Variants in TFEC observed in about 807,000 individuals in gnomAD.
TFEC encodes the protein class E basic helix-loop-helix protein 34.
TFEC carries 31 observed loss-of-function variants against 41.6 expected under a neutral mutation model. The observed-to-expected ratio is 0.74, with a 90% CI of 0.56 to 1.01. The LOEUF is 1.01. Among genes scored for constraint, TFEC ranks in the 50% least tolerant of loss-of-function variants. The probability of loss-of-function intolerance (pLI) is 0.00; values close to 1 mark genes in which losing one functional copy is unlikely to be tolerated. For synonymous variants in TFEC, 143 were observed against 140.6 expected (o/e 1.02, Z -0.12); for missense variants, 402 against 404.1 (o/e 0.99, Z 0.04).
intron 3 of TFEC, among the ~76,000 whole-genome samples, chr7:116,057,321 C>G (rs77637494): frequency 0.028 from 4,194 of 152,030 alleles, 192 homozygotes; most frequent in African/African-American, 0.094. Flanking sequence ...AAATTAACTC[C>G]AAGCCCTAAA....
intron 1 of TFEC, among the ~76,000 whole-genome samples, chr7:116,154,514 T>C (rs1012354391): frequency 6.6e-6 from 1 of 152,132 alleles, no homozygotes; most frequent in African/African-American, 2.4e-5. Flanking sequence ...CTTCTATGGG[T>C]TAGATGCTAT....
chr7:116,005,400 T>G (rs1300361538), intron 1 of TFEC, among the ~76,000 whole-genome samples: 2 of 152,086 alleles, frequency 1.3e-5, no homozygotes, highest in Non-Finnish European at 2.9e-5. Flanking sequence ...CAGAGGGAGA[T>G]GAGGAACTTG....
chr7:116,063,761 A>G (rs1469372738), intron 3 of TFEC, among the ~76,000 whole-genome samples: 1 of 152,210 alleles, frequency 6.6e-6, no homozygotes, highest in African/African-American at 2.4e-5. Context: ...CCATGTTTTT[A>G]CAATAACAGG....
intron 3 of TFEC, among the ~76,000 whole-genome samples, chr7:116,107,954 C>A (rs1797758761): frequency 6.6e-6 from 1 of 152,054 alleles, no homozygotes; most frequent in South Asian, 2.1e-4. Flanking sequence ...CAATTGCTTA[C>A]CAAGTGCTAA....
At chr7:116,008,673 A>T (rs1794892498) in intron 1 of TFEC, among the ~76,000 whole-genome samples, 1 of 152,180 alleles carries the variant, frequency 6.6e-6, no homozygotes, top group South Asian at 2.1e-4. Flanking sequence ...CATTTCTTCA[A>T]ATCTTTCTTT....
At position 116,119,136 on chromosome 7, in the gene TFEC, A is replaced by G. The variant is rs561497725; in HGVS notation, c.-68-7098T>C. On this transcript the variant is annotated intron_variant, in intron 1 of 8. Coordinates refer to the TFEC transcript ENST00000484212. The stretch of plus-strand genomic sequence containing the variant: ...CACTTTGCTAAGCATTTTATTTTTT[A>G]TATCCTTCAATAAATTTATTAATGC... 2.0e-5 allele frequency among the ~76,000 whole-genome samples: 3 copies of G among 151,958 alleles called. No individual in the cohort carries two copies. The East Asian group carries it at 5.8e-4, about 29-fold the overall frequency.
At chr7:116,142,651 C>T (rs989462513) in intron 1 of TFEC, among the ~76,000 whole-genome samples, 5 of 151,926 alleles carry the variant, frequency 3.3e-5, no homozygotes, top group African/African-American at 4.8e-5. Context: ...TCTCATGTGC[C>T]CAGAGGGTCA....
intron 1 of TFEC, among the ~76,000 whole-genome samples, chr7:115,991,143 G>C (rs371249593): frequency 2.0e-5 from 3 of 152,086 alleles, no homozygotes; most frequent in Admixed American, 2.0e-4. Flanking sequence ...CTTCATAAAG[G>C]AGAAATAAAA....
At chr7:116,132,898 T>C (rs950047874) in intron 1 of TFEC, among the ~76,000 whole-genome samples, 1 of 152,234 alleles carries the variant, frequency 6.6e-6, no homozygotes, top group Non-Finnish European at 1.5e-5. Flanking sequence ...AATATGCATA[T>C]AAAATTTCAC....
rs192511452 is a variant in TFEC at position 116,047,394 on chromosome 7, C to T, written c.199-62881G>A. 3.7e-4 allele frequency among the ~76,000 whole-genome samples: 57 copies of T among 152,238 alleles called. No homozygotes were observed. The East Asian group carries it at 4.5e-3, about 12-fold the overall frequency. On this transcript the variant is annotated intron_variant, in intron 3 of 8. Coordinates refer to the TFEC transcript ENST00000484212. Reference sequence around the variant, plus strand: ...GGAGGGTCCCACACCCACAGAGACTCGCTCACTGCTAGCACAGCAGTCTGA... The same window carrying T: ...GGAGGGTCCCACACCCACAGAGACTTGCTCACTGCTAGCACAGCAGTCTGA...
intron 1 of TFEC, among the ~76,000 whole-genome samples, chr7:116,119,802 A>T (rs2116196788): frequency 6.6e-6 from 1 of 151,936 alleles, no homozygotes; most frequent in East Asian, 1.9e-4. Context: ...ATATACAATA[A>T]AATTTATCAT....
Position 116,066,508 on chromosome 7 carries a change from C to T in TFEC, c.198+44200G>A, listed in dbSNP as rs564663914. On this transcript the variant is annotated intron_variant, in intron 3 of 8. Transcript: ENST00000484212. ...TTATATATATATATATGAGATAAAT[C>T]TGAAAAGCAGTATATCTTCTTATTT... Among the ~76,000 whole-genome samples the T allele has an allele frequency of 4.0e-4, 61 of 151,814 alleles. No individual in the cohort carries two copies. The South Asian group carries it at 0.012, about 31-fold the overall frequency.
chr7:116,073,707 A>G (rs1304468588), intron 3 of TFEC, among the ~76,000 whole-genome samples: 1 of 152,020 alleles, frequency 6.6e-6, no homozygotes, highest in African/African-American at 2.4e-5. Flanking sequence ...CTAAAAACTG[A>G]GTTGGAAAAC....
At chr7:116,111,633 T>C (rs574468278) in intron 2 of TFEC, among the ~76,000 whole-genome samples, 1 of 152,126 alleles carries the variant, frequency 6.6e-6, no homozygotes, top group African/African-American at 2.4e-5. Context: ...TAAAAGGGAC[T>C]GAAAGTAAAA....
chr7:116,066,248 G>T lies in TFEC; in HGVS notation c.198+44460C>A, dbSNP rs549579764. On this transcript the variant is annotated intron_variant, in intron 3 of 8. Coordinates refer to the TFEC transcript ENST00000484212. ...CTGATTCCAGGCCCATGACAAAGCTGATCTACAAAGATCAAATATACTCAT... is the reference window on the plus strand; with the variant it reads ...CTGATTCCAGGCCCATGACAAAGCTTATCTACAAAGATCAAATATACTCAT... 4.0e-4 allele frequency among the ~76,000 whole-genome samples: 61 copies of T among 152,196 alleles called. No homozygotes were observed. The South Asian group carries it at 0.012, about 31-fold the overall frequency.
chr7:115,992,134 A>G (rs995659778), intron 1 of TFEC, among the ~76,000 whole-genome samples: 5 of 152,232 alleles, frequency 3.3e-5, no homozygotes, highest in Admixed American at 1.3e-4. Context: ...TGAAGGCAGA[A>G]ATAAAGATGT....
At chr7:116,155,424 A>G (rs1454355971) in intron 1 of TFEC, among the ~76,000 whole-genome samples, 2 of 152,212 alleles carry the variant, frequency 1.3e-5, no homozygotes, top group African/African-American at 4.8e-5. Context: ...CGTACTTCTT[A>G]CTGTGCCATT....
At chr7:116,109,775 C>T (rs1455020501) in intron 3 of TFEC, among the ~76,000 whole-genome samples, 7 of 152,256 alleles carry the variant, frequency 4.6e-5, no homozygotes, top group African/African-American at 1.4e-4. Flanking sequence ...CACATGCACA[C>T]GTATGTTTAT....
At chr7:116,115,677 T>C (rs984137794) in intron 1 of TFEC, among the ~76,000 whole-genome samples, 2 of 151,996 alleles carry the variant, frequency 1.3e-5, no homozygotes, top group Non-Finnish European at 2.9e-5. Context: ...TTGCCATGTA[T>C]AGTAACATCC....
Sources: allele counts gnomAD v4.1 joint callset (sites outside exome capture counted in the v4.1 genomes callset), GRCh38; gene constraint gnomAD v4.1.1; transcripts MANE v1.5; gene names NCBI Gene and HGNC (gene_info 2026-07-23, HGNC 2026-07-21).